GOLGA8N: variants seen among roughly 807,000 people sequenced by gnomAD.
GOLGA8N encodes the protein golgin subfamily A member 8N.
In GOLGA8N, 2 loss-of-function variants were observed where a neutral mutation model predicts 22.0. The ratio of observed to expected loss-of-function variants is 0.09; its 90% confidence interval spans 0.04 to 0.29. The LOEUF is 0.29. Ranked by LOEUF, GOLGA8N falls within the 10% of genes least tolerant of loss-of-function variation. GOLGA8N has a pLI of 1.00. For missense variants in GOLGA8N, 10 were observed against 164.7 expected, an observed-to-expected ratio of 0.06 and a Z score of 5.14; for synonymous variants, 2 against 58.7, an observed-to-expected ratio of 0.03 and a Z score of 4.41.
At chr15:32,606,930 T>G (rs1340502494) in exon 19 of GOLGA8N, 1 of 150,560 alleles carries the variant, frequency 6.6e-6, no homozygotes, top group Non-Finnish European at 1.5e-5. Context: ...TTTTAAAATA[T>G]GAATACTGTA....
chr15:32,605,247 C>T (rs1411639819), exon 19 of GOLGA8N: 1 of 148,074 alleles, frequency 6.8e-6, no homozygotes, highest in East Asian at 2.0e-4. Flanking sequence ...TAGAAACATT[C>T]TTATAAACTA....
exon 19 of GOLGA8N, chr15:32,606,450 A>G (rs564801932): frequency 1.3e-4 from 19 of 150,192 alleles, no homozygotes; most frequent in African/African-American, 4.7e-4. Flanking sequence ...AGAAAACACT[A>G]AAAAGAATGG....
chr15:32,606,819 C>A (rs1393890736), exon 19 of GOLGA8N: 1 of 150,360 alleles, frequency 6.7e-6, no homozygotes, highest in Non-Finnish European at 1.5e-5. Context: ...CAGCCCTATC[C>A]ATAATATAGT....
At chr15:32,605,282 A>G (rs1327651399) in exon 19 of GOLGA8N, 489 of 149,040 alleles carry the variant, frequency 3.3e-3, no homozygotes, top group African/African-American at 0.012. Flanking sequence ...GTTGAAACAA[A>G]AAGGAGTTTT....
exon 19 of GOLGA8N, chr15:32,606,673 C>T (rs1235757147): frequency 6.9e-6 from 1 of 145,002 alleles, no homozygotes; most frequent in Non-Finnish European, 1.5e-5. Context: ...TAGGAAGAAT[C>T]AAAACACCTA....
intron 1 of GOLGA8N, 150 bp downstream of exon 1, chr15:32,593,751 A>G (rs2052787875): frequency 1.4e-5 from 15 of 1,109,604 alleles, no homozygotes; most frequent in Non-Finnish European, 1.5e-5. Flanking sequence ...AAGTTTTGTC[A>G]GTCAGCCCCA....
intron 5 of GOLGA8N, 86 bp from the exon 6 acceptor site, chr15:32,597,666 G>A: frequency 1.5e-6 from 1 of 656,342 alleles, no homozygotes; most frequent in Non-Finnish European, 2.7e-6. Context: ...CCTGTCCTGG[G>A]GCATTGGTGG....
At chr15:32,595,777 CA>C (rs1186195961) in intron 2 of GOLGA8N, among the ~76,000 whole-genome samples, 2,128 of 48,952 alleles carry the variant, frequency 0.043, 12 homozygotes, top group African/African-American at 0.058. Flanking sequence ...GACTCTGTCT[CA>C]AAAAAAAAAA....
intron 5 of GOLGA8N, 81 bp from the exon 6 acceptor site, chr15:32,597,671 T>C: frequency 1.5e-6 from 1 of 656,160 alleles, no homozygotes; most frequent in Middle Eastern, 3.8e-4. Context: ...CCTGGGGCAT[T>C]GGTGGCATTC....
At chr15:32,606,618 T>C (rs1420568810) in exon 19 of GOLGA8N, 4 of 149,884 alleles carry the variant, frequency 2.7e-5, no homozygotes, top group East Asian at 2.0e-4. Context: ...ATGAGAAACA[T>C]AGAATTTTAA....
rs925416906 is a variant in GOLGA8N, at chr15:32,606,709, C to G, written c.*2731C>G. 2.0e-5 allele frequency: 3 copies of G among 147,392 alleles called. No homozygotes were observed. The Admixed American group carries it at 2.0e-4, about 10-fold the overall frequency. 9.1% of individuals were successfully genotyped at this position (147,392 alleles called of 1,614,324 possible). A position where few individuals can be genotyped will look rare whatever the true frequency, so the allele number is the denominator to read the frequency against. On this transcript the variant is annotated 3_prime_UTR_variant, in exon 19 of 19. Transcript: ENST00000448387. ...TTTAAAGATGGCAATATATAATAAT[C>G]ATTTTAAAAGTATTTGATTCAACCT...
exon 19 of GOLGA8N, chr15:32,606,585 G>C (rs1186978810): frequency 6.6e-6 from 1 of 151,066 alleles, no homozygotes; most frequent in Non-Finnish European, 1.5e-5. Context: ...TGCTTAGAAG[G>C]CAACATTGGA....
At chr15:32,597,566 T>A in intron 5 of GOLGA8N, 77 bp downstream of exon 5, 1 of 1,596,554 alleles carries the variant, frequency 6.3e-7, no homozygotes, top group Non-Finnish European at 8.5e-7. Flanking sequence ...CAGTCTCGTC[T>A]CACCCACTCC....
At position 32,598,448 on chromosome 15, in the gene GOLGA8N, C is replaced by A. The variant is rs1211748254; in HGVS notation, c.591+271C>A. 3.7e-5 allele frequency among the ~76,000 whole-genome samples: 2 copies of A among 54,732 alleles called. 1 individual carries two copies. Among genetic ancestry groups the A allele is most frequent in the Non-Finnish European group, 8.0e-5 (2 of 25,080 alleles). The allele number at this position is 54,732 out of a possible 152,430, so 35.9% of individuals were successfully genotyped here. On this transcript the variant is annotated intron_variant, in intron 8 of 18. Transcript: ENST00000448387. ...TACCTGGCTGTGGTCTTGGGCAAGT[C>A]CTAGTCCTAGGTGGGGTATTGGGTA...
chr15:32,606,660 C>T (rs569313333), exon 19 of GOLGA8N: 1 of 148,716 alleles, frequency 6.7e-6, no homozygotes, highest in South Asian at 2.1e-4. Flanking sequence ...ATTTTAATGT[C>T]TGTAGGAAGA....
exon 19 of GOLGA8N, chr15:32,607,139 A>G (rs1296533381): frequency 2.6e-5 from 4 of 152,306 alleles, no homozygotes; most frequent in Non-Finnish European, 4.4e-5. Context: ...ACTGTAATGT[A>G]ATAAATTATT....
chr15:32,595,083 CT>C (rs1176003633), intron 1 of GOLGA8N, among the ~76,000 whole-genome samples, 184 bp from the exon 2 acceptor site: 10 of 37,410 alleles, frequency 2.7e-4, no homozygotes, highest in Admixed American at 1.2e-3. Flanking sequence ...TTGCCTTTTT[CT>C]TTTTTTTTTC....
exon 19 of GOLGA8N, chr15:32,606,967 G>T (rs1176918213): frequency 6.6e-6 from 1 of 150,946 alleles, no homozygotes; most frequent in African/African-American, 2.4e-5. Context: ...TGGTGGGAAC[G>T]AAAAGCAGAG....
At chr15:32,605,225 C>T (rs2052918756) in exon 19 of GOLGA8N, 1 of 146,520 alleles carries the variant, frequency 6.8e-6, no homozygotes, top group Non-Finnish European at 1.5e-5. Context: ...ATGGAAAACA[C>T]TTTAAAAAAA....
Sources: allele counts gnomAD v4.1 joint callset (sites outside exome capture counted in the v4.1 genomes callset), GRCh38; gene constraint gnomAD v4.1.1; transcripts MANE v1.5; gene names NCBI Gene and HGNC (gene_info 2026-07-23, HGNC 2026-07-21).